The following MARCHF1 variants were observed in gnomAD, a reference collection of about 807,000 sequenced individuals.
MARCHF1 encodes the protein E3 ubiquitin-protein ligase MARCHF1.
A neutral mutation model predicts 54.2 loss-of-function variants in MARCHF1; 40 were observed. That is an observed-to-expected ratio of 0.74 (90% CI 0.57 to 0.96). The LOEUF (loss-of-function observed/expected upper bound fraction) is 0.96. Ranked by LOEUF, MARCHF1 falls within the 40% of genes least tolerant of loss-of-function variation. MARCHF1 has a pLI of 0.00. For missense variants in MARCHF1, 586 were observed against 656.5 expected (o/e 0.89, Z 1.17); for synonymous variants, 236 against 236.3 (o/e 1.00, Z 0.01).
At chr4:164,231,280 A>G (rs766618734) in intron 1 of MARCHF1, among the ~76,000 whole-genome samples, 4 of 152,278 alleles carry the variant, frequency 2.6e-5, no homozygotes, top group Admixed American at 6.5e-5. Flanking sequence ...CTCCCACACA[A>G]ATTTCTTTCA....
chr4:164,373,998 T>C lies in MARCHF1; in HGVS notation c.-323+9872A>G, dbSNP rs531067720. On this transcript the variant is annotated intron_variant, in intron 1 of 9. Coordinates refer to ENST00000514618, the MANE Select transcript of MARCHF1 (RefSeq NM_001394959.1). ...CCATTGTTTATAAAAAGAATTTAGT[T>C]CTAATAGTTGATAACCAACAATTTC... is the stretch of plus-strand genomic sequence containing the variant. 2.3e-3 allele frequency among the ~76,000 whole-genome samples: 344 copies of C among 152,360 alleles called. 1 individual carries two copies. The highest frequency in any genetic ancestry group is 6.8e-3 in the Middle Eastern group (2 of 294).
At chr4:164,207,666 C>T (rs779296788) in intron 1 of MARCHF1, among the ~76,000 whole-genome samples, 5 of 152,080 alleles carry the variant, frequency 3.3e-5, no homozygotes, top group East Asian at 1.9e-4. Context: ...ACCACAGCAG[C>T]GAAGCCAAGG....
intron 2 of MARCHF1, among the ~76,000 whole-genome samples, chr4:163,993,243 A>C (rs1753002321): frequency 6.6e-6 from 1 of 152,136 alleles, no homozygotes; most frequent in South Asian, 2.1e-4. Context: ...TGTGTTTATA[A>C]AAAAATCTAC....
chr4:164,288,688 C>T (rs1308786410), intron 1 of MARCHF1, among the ~76,000 whole-genome samples: 2 of 151,796 alleles, frequency 1.3e-5, no homozygotes, highest in African/African-American at 4.8e-5. Context: ...TAATTATCTC[C>T]CCATGGTTAT....
chr4:164,072,183 G>A (rs1242651868), intron 2 of MARCHF1, among the ~76,000 whole-genome samples: 1 of 152,132 alleles, frequency 6.6e-6, no homozygotes, highest in East Asian at 1.9e-4. Context: ...CACAGAAACT[G>A]CCGATATTAC....
chr4:164,244,763 T>C (rs1156871256), intron 1 of MARCHF1, among the ~76,000 whole-genome samples: 1 of 151,930 alleles, frequency 6.6e-6, no homozygotes, highest in Non-Finnish European at 1.5e-5. Context: ...CAATAAAAAA[T>C]GATAAAGGGG....
At chr4:163,763,602 C>T (rs1746892155) in intron 4 of MARCHF1, among the ~76,000 whole-genome samples, 1 of 151,950 alleles carries the variant, frequency 6.6e-6, no homozygotes, top group Non-Finnish European at 1.5e-5. Flanking sequence ...TGACTTTCCC[C>T]CCTTACGAAC....
intron 1 of MARCHF1, among the ~76,000 whole-genome samples, chr4:164,138,662 T>C (rs1316436382): frequency 1.3e-5 from 2 of 152,184 alleles, no homozygotes; most frequent in Non-Finnish European, 2.9e-5. Context: ...TGTCAGTCAT[T>C]ATCACTCCTC....
intron 1 of MARCHF1, among the ~76,000 whole-genome samples, chr4:164,248,647 A>G (rs1246532496): frequency 6.6e-6 from 1 of 152,234 alleles, no homozygotes; most frequent in East Asian, 1.9e-4. Context: ...ATAATGTTTT[A>G]AAGAAGTTCA....
intron 4 of MARCHF1, among the ~76,000 whole-genome samples, chr4:163,733,207 A>ACGTGTATATATATACACATG (rs1451169238): frequency 2.1e-4 from 4 of 19,206 alleles, no homozygotes; most frequent in Non-Finnish European, 7.6e-4. Context: ...ATATATATAT[A>ACGTGTATATATATACACATG]TATATATATA....
intron 2 of MARCHF1, among the ~76,000 whole-genome samples, chr4:164,047,824 T>C (rs916733441): frequency 6.6e-6 from 1 of 152,194 alleles, no homozygotes. Context: ...GTTCATATTA[T>C]GCAATTTTTT....
intron 1 of MARCHF1, among the ~76,000 whole-genome samples, chr4:164,336,683 T>C (rs1461728118): frequency 6.6e-6 from 1 of 152,176 alleles, no homozygotes; most frequent in Non-Finnish European, 1.5e-5. Flanking sequence ...TCACCCTATT[T>C]TGTAGGTGTG....
chr4:163,805,504 C>T (rs1380826917), intron 4 of MARCHF1, among the ~76,000 whole-genome samples: 3 of 152,044 alleles, frequency 2.0e-5, no homozygotes, highest in Non-Finnish European at 4.4e-5. Flanking sequence ...ACTTTTGAGC[C>T]CCAAACATTA....
intron 4 of MARCHF1, among the ~76,000 whole-genome samples, chr4:163,757,040 C>T (rs1397838946): frequency 6.6e-6 from 1 of 152,176 alleles, no homozygotes; most frequent in Non-Finnish European, 1.5e-5. Context: ...TTAAGAATCA[C>T]ACTAAAAATG....
chr4:164,189,397 C>T (rs1042584891), intron 1 of MARCHF1: 1 of 668,714 alleles, frequency 1.5e-6, no homozygotes, highest in African/African-American at 1.8e-5. Flanking sequence ...TACTATGAGG[C>T]CTGTCCAGAA....
intron 2 of MARCHF1, among the ~76,000 whole-genome samples, chr4:164,037,705 G>A (rs547125022): frequency 2.0e-4 from 30 of 152,204 alleles, no homozygotes; most frequent in South Asian, 6.2e-4. Flanking sequence ...GATACTTTAC[G>A]TTGGAGAAGT....
At chr4:163,629,765 G>T (rs1742006705) in intron 5 of MARCHF1, among the ~76,000 whole-genome samples, 1 of 152,130 alleles carries the variant, frequency 6.6e-6, no homozygotes, top group African/African-American at 2.4e-5. Flanking sequence ...AAACCACCGT[G>T]GCACGTGTAT....
chr4:163,786,473 AAAT>A (rs992299656), intron 4 of MARCHF1, among the ~76,000 whole-genome samples: 184 of 152,144 alleles, frequency 1.2e-3, no homozygotes, highest in African/African-American at 4.3e-3. Flanking sequence ...AAGAATAAGA[AAAT>A]AATAATGGAC....
rs1188400244 is a variant in MARCHF1, at chr4:163,620,598, CACACACACAGAGAGAGAG to C, written c.163-7223_163-7206del. Among the ~76,000 whole-genome samples the C allele has an allele frequency of 2.6e-3, 219 of 82,852 alleles. 1 individual carries two copies. The Middle Eastern group carries it at 0.038, about 14-fold the overall frequency. The allele number at this position is 82,852 out of a possible 152,430, so 54.4% of individuals were successfully genotyped here. On this transcript the variant is annotated intron_variant, in intron 5 of 9. Coordinates refer to ENST00000514618, the MANE Select transcript of MARCHF1 (RefSeq NM_001394959.1). ...ACACACACACACACACACACACACA[CACACACACAGAGAGAGAG>C]AGAGAGAGAGAGAGAGAGAGAGAGA... is the stretch of plus-strand genomic sequence containing the variant.
Sources: allele counts gnomAD v4.1 joint callset (sites outside exome capture counted in the v4.1 genomes callset), GRCh38; gene constraint gnomAD v4.1.1; transcripts MANE v1.5; gene names NCBI Gene and HGNC (gene_info 2026-07-23, HGNC 2026-07-21).